Variants in SYNE1 observed in about 807,000 individuals in gnomAD.
SYNE1 encodes nesprin-1.
A neutral mutation model predicts 1,111.0 loss-of-function variants in SYNE1; 616 were observed. The observed-to-expected ratio is 0.55, with a 90% confidence interval of 0.52 to 0.59. The LOEUF (loss-of-function observed/expected upper bound fraction) is 0.59, where lower values mean the gene tolerates loss of function less well. SYNE1 is among the 20% of genes least tolerant of loss of function. The pLI, the probability that SYNE1 is intolerant of heterozygous loss-of-function variation, is 0.00. For missense variants in SYNE1, 10,006 were observed against 10,417.0 expected (o/e 0.96, Z 1.72); for synonymous variants, 3,855 against 3,825.8 (o/e 1.01, Z -0.28).
chr6:152,161,387 T>C (rs1024412872), intron 131 of SYNE1, among the ~76,000 whole-genome samples: 5 of 150,764 alleles, frequency 3.3e-5, no homozygotes, highest in Non-Finnish European at 7.4e-5. Context: ...TCTGGCATTA[T>C]TGTTAATTTT....
At chr6:152,458,725 A>T in intron 22 of SYNE1, 32 bp downstream of exon 22, 2 of 1,611,288 alleles carry the variant, frequency 1.2e-6, no homozygotes, top group Non-Finnish European at 1.7e-6. Context: ...CATGCTTTAG[A>T]ATAATTGTCT....
At position 152,442,115 on chromosome 6, in the gene SYNE1, C is replaced by T. The variant is rs748747931; in HGVS notation, c.3968G>A (p.Gly1323Asp). Residue 1323 changes from glycine to aspartate, a missense_variant, in exon 31 of 146, where the codon GGC (glycine) becomes GAC (aspartate). Physicochemically the swap from Gly to Asp is moderately conservative, Grantham distance 94. Around this residue, in one of 7 missense-constraint regions of SYNE1, gnomAD observed 1,971 missense variants for 2,084.1 expected, o/e 0.95. Transcript: ENST00000367255. Reference sequence around the variant, plus strand: ...CTGCCTCTCCCGGCTGCGCTCCAGGCCATCCAGTGTGCTCTCCAGCTTCCG... The same window carrying T: ...CTGCCTCTCCCGGCTGCGCTCCAGGTCATCCAGTGTGCTCTCCAGCTTCCG... ...ELRKLESTLD[G>D]LERSRERQER... 1.2e-6 allele frequency: 2 copies of T among 1,614,102 alleles called. No homozygotes were observed. The highest frequency in any genetic ancestry group is 2.2e-5 in the East Asian group (1 of 44,888).
intron 125 of SYNE1, 26 bp downstream of exon 125, chr6:152,207,946 T>C: frequency 1.2e-6 from 2 of 1,610,368 alleles, no homozygotes; most frequent in South Asian, 1.1e-5. Flanking sequence ...CTAAGAGGTG[T>C]GAGAACACTG....
chr6:152,332,125 C>T (rs2096262542), intron 77 of SYNE1, among the ~76,000 whole-genome samples: 2 of 152,280 alleles, frequency 1.3e-5, no homozygotes, highest in South Asian at 4.1e-4. Flanking sequence ...CAGGCATGTG[C>T]CACCATGCTC....
chr6:152,352,819 C>A (rs2096765901), intron 69 of SYNE1, among the ~76,000 whole-genome samples: 1 of 152,160 alleles, frequency 6.6e-6, no homozygotes, highest in African/African-American at 2.4e-5. Context: ...GAATCAGGAA[C>A]CTTGGCTTCT....
chr6:152,422,347 G>A (rs1020176478), intron 39 of SYNE1, among the ~76,000 whole-genome samples: 1 of 152,166 alleles, frequency 6.6e-6, no homozygotes, highest in African/African-American at 2.4e-5. Context: ...GCCACTTTCT[G>A]GAATGGGACA....
intron 131 of SYNE1, among the ~76,000 whole-genome samples, chr6:152,163,826 G>C (rs974283853): frequency 6.6e-6 from 1 of 152,142 alleles, no homozygotes; most frequent in African/African-American, 2.4e-5. Context: ...TAGTGGGCTA[G>C]GGCTAGTGAC....
chr6:152,589,245 T>C (rs1463563962), intron 3 of SYNE1, among the ~76,000 whole-genome samples: 1 of 152,126 alleles, frequency 6.6e-6, no homozygotes, highest in Non-Finnish European at 1.5e-5. Context: ...GTGGCGATAA[T>C]GGGTATTTGT....
chr6:152,274,402 AT>A (rs1158425508), intron 98 of SYNE1, among the ~76,000 whole-genome samples: 2 of 148,846 alleles, frequency 1.3e-5, no homozygotes, highest in East Asian at 4.0e-4. Context: ...ATCTTTCCTT[AT>A]TGTTTTACAA....
In SYNE1 at chr6:152,605,031, A is replaced by AGG. The variant is rs1438732977; in HGVS notation, c.67+23233_67+23234insCC. Among the ~76,000 whole-genome samples the AGG allele has an allele frequency of 2.3e-4, 13 of 56,530 alleles. 2 individuals carry two copies. Among genetic ancestry groups the AGG allele is most frequent in the African/African-American group, 8.2e-4 (9 of 11,006 alleles). The allele number at this position is 56,530 out of a possible 152,430, so 37.1% of individuals were successfully genotyped here. A position where few individuals can be genotyped will look rare whatever the true frequency, so the allele number is the denominator to read the frequency against. On this transcript the variant is annotated intron_variant, in intron 3 of 145. Transcript: ENST00000367255. The stretch of plus-strand genomic sequence containing the variant: ...AAGAGAGAGAGAGAGAGAGAGAGAG[A>AGG]GAGAGGGAGGGAGGGAGGGAGGGAG...
At chr6:152,354,371 C>T (rs1188863152) in intron 67 of SYNE1, among the ~76,000 whole-genome samples, 1 of 152,106 alleles carries the variant, frequency 6.6e-6, no homozygotes, top group African/African-American at 2.4e-5. Context: ...GAACCATAAA[C>T]TTAAATTATT....
chr6:152,439,959 C>T (rs949714833), intron 32 of SYNE1, among the ~76,000 whole-genome samples: 2 of 152,246 alleles, frequency 1.3e-5, no homozygotes, highest in East Asian at 1.9e-4. Flanking sequence ...GTCTCAAAAT[C>T]GCTACCTCCA....
intron 11 of SYNE1, 48 bp from the exon 12 acceptor site, chr6:152,488,551 T>A: frequency 2.0e-6 from 2 of 996,442 alleles, no homozygotes; most frequent in Non-Finnish European, 3.2e-6. Context: ...GTGCATTTAT[T>A]TAATTGCTGA....
rs1395884759 is a variant in SYNE1 at position 152,281,880 on chromosome 6, T to C, written c.18308A>G (p.Lys6103Arg). 5.0e-6 allele frequency: 8 copies of C among 1,614,088 alleles called. No homozygotes were observed. Among genetic ancestry groups the C allele is most frequent in the Non-Finnish European group, 6.8e-6 (8 of 1,180,048 alleles). The change falls in exon 97 of 146, where the codon AAG (lysine) becomes AGG (arginine). Residue 6103 changes from lysine to arginine, a missense_variant. By Grantham distance (26) the Lys-to-Arg change is conservative (BLOSUM62 2). Transcript: ENST00000367255. The stretch of plus-strand genomic sequence containing the variant: ...ACTCAGCGCAGTGTCCAGAGTGGCC[T>C]TGGTACTCAAGAGCCAGCTGTCCAG... ...DELDSWLLST[K>R]ATLDTALSPP... is the part of the protein sequence containing the mutation.
At chr6:152,483,295 G>A (rs1436742612) in intron 13 of SYNE1, 46 bp from the exon 14 acceptor site, 5 of 1,553,988 alleles carry the variant, frequency 3.2e-6, no homozygotes, top group Non-Finnish European at 4.4e-6. Context: ...AATACAGATG[G>A]CAATTTATAA....
intron 3 of SYNE1, among the ~76,000 whole-genome samples, chr6:152,624,006 CT>C (rs1389632158): frequency 1.3e-5 from 2 of 151,974 alleles, no homozygotes; most frequent in African/African-American, 4.8e-5. Flanking sequence ...GTTTTTATTA[CT>C]CATAAAAAAT....
intron 98 of SYNE1, among the ~76,000 whole-genome samples, chr6:152,273,442 T>C (rs2093359845): frequency 6.6e-6 from 1 of 152,226 alleles, no homozygotes; most frequent in African/African-American, 2.4e-5. Flanking sequence ...CCACATGTTC[T>C]AAAGAATTTT....
chr6:152,224,648 A>T lies in SYNE1; in HGVS notation c.21368T>A (p.Ile7123Lys), dbSNP rs2081031958. Residue 7123 changes from isoleucine to lysine, a missense_variant, in exon 117 of 146, where the codon ATA becomes AAA. Coordinates refer to ENST00000367255, the MANE Select transcript of SYNE1 (RefSeq NM_182961.4). ...TTGGTCAAGCACTGATTTCAGCAGT[A>T]TCTTTAATTGTCCAACCTTTTGAAA... Reference protein sequence around the residue: ...NLDHMVGQLKILLKSVLDQWS... With the variant: ...NLDHMVGQLKKLLKSVLDQWS... The T allele has an allele frequency of 6.2e-7, 1 of 1,613,976 alleles. No individual in the cohort carries two copies.
intron 14 of SYNE1, chr6:152,481,486 C>A (rs1013538150): frequency 1.0e-5 from 4 of 397,350 alleles, no homozygotes; most frequent in Non-Finnish European, 2.0e-5. Context: ...ACACTAGAAT[C>A]CTAATCCCCA....
Sources: allele counts gnomAD v4.1 joint callset (sites outside exome capture counted in the v4.1 genomes callset), GRCh38; gene constraint gnomAD v4.1.1; regional missense constraint gnomAD v4.1.1; transcripts MANE v1.5; gene names NCBI Gene and HGNC (gene_info 2026-07-23, HGNC 2026-07-21).